The following RNGTT variants were observed in gnomAD, a reference collection of about 807,000 sequenced individuals.
The protein encoded by RNGTT is RNA guanylyltransferase and 5'-phosphatase, also known as mRNA-capping enzyme.
In RNGTT, 33 loss-of-function variants were observed where a neutral mutation model predicts 79.3. That is an observed-to-expected ratio of 0.42 (90% CI 0.32 to 0.56). The LOEUF (loss-of-function observed/expected upper bound fraction) is 0.56, where lower values mean the gene tolerates loss of function less well. Ranked by LOEUF, RNGTT falls within the 20% of genes least tolerant of loss-of-function variation. The probability of loss-of-function intolerance (pLI) is 0.17; values close to 1 mark genes in which losing one functional copy is unlikely to be tolerated. For synonymous variants in RNGTT, 222 were observed against 235.9 expected, an observed-to-expected ratio of 0.94 and a Z score of 0.54; for missense variants, 497 against 739.1, an observed-to-expected ratio of 0.67 and a Z score of 3.80.
At chr6:88,709,654 T>C (rs887188036) in intron 13 of RNGTT, among the ~76,000 whole-genome samples, 5 of 152,222 alleles carry the variant, frequency 3.3e-5, no homozygotes, top group African/African-American at 1.2e-4. Context: ...GCAATACATA[T>C]CAGTTATCAG....
chr6:88,629,978 G>GGCAT (rs1772787421), intron 14 of RNGTT, among the ~76,000 whole-genome samples: 1 of 152,092 alleles, frequency 6.6e-6, no homozygotes, highest in African/African-American at 2.4e-5. Context: ...AAATCACCAT[G>GGCAT]TGAGTCTTTG....
chr6:88,865,775 C>T (rs1413808919), intron 8 of RNGTT, among the ~76,000 whole-genome samples: 1 of 151,838 alleles, frequency 6.6e-6, no homozygotes, highest in Admixed American at 6.6e-5. Flanking sequence ...CTGAAATATC[C>T]CAATATACCA....
chr6:88,725,463 C>T (rs1031471070), intron 13 of RNGTT, among the ~76,000 whole-genome samples: 22 of 152,122 alleles, frequency 1.4e-4, no homozygotes, highest in African/African-American at 1.9e-4. Flanking sequence ...ACCGCAGGGG[C>T]GGTAAAGCAT....
At chr6:88,842,830 G>C (rs994362999) in intron 11 of RNGTT, among the ~76,000 whole-genome samples, 4 of 152,126 alleles carry the variant, frequency 2.6e-5, no homozygotes, top group Admixed American at 6.5e-5. Context: ...CCAGCACTTT[G>C]GGAGGCTAAG....
chr6:88,748,446 T>C (rs1376802952), intron 13 of RNGTT, among the ~76,000 whole-genome samples: 1 of 152,036 alleles, frequency 6.6e-6, no homozygotes, highest in African/African-American at 2.4e-5. Context: ...CCTCACTTTC[T>C]TCAACTATTT....
chr6:88,741,296 C>A (rs976439416), intron 13 of RNGTT, among the ~76,000 whole-genome samples: 1 of 152,066 alleles, frequency 6.6e-6, no homozygotes, highest in African/African-American at 2.4e-5. Flanking sequence ...TCCTTTGCAG[C>A]GACATGGATA....
chr6:88,799,270 A>AT (rs1368035500), intron 12 of RNGTT, among the ~76,000 whole-genome samples: 4 of 152,168 alleles, frequency 2.6e-5, no homozygotes, highest in Non-Finnish European at 5.9e-5. Context: ...CCTAACAAAA[A>AT]TTTCTGGGTA....
At chr6:88,693,319 A>G (rs1194063746) in intron 13 of RNGTT, among the ~76,000 whole-genome samples, 2 of 152,196 alleles carry the variant, frequency 1.3e-5, no homozygotes, top group African/African-American at 2.4e-5. Context: ...ACAAAGGATC[A>G]TAAGAGATTA....
chr6:88,654,290 C>G (rs1773898514), intron 14 of RNGTT, among the ~76,000 whole-genome samples: 1 of 152,164 alleles, frequency 6.6e-6, no homozygotes, highest in Non-Finnish European at 1.5e-5. Flanking sequence ...AAATTTTCCT[C>G]ATCATTAAGA....
At chr6:88,734,843 A>T (rs536256450) in intron 13 of RNGTT, among the ~76,000 whole-genome samples, 2 of 152,304 alleles carry the variant, frequency 1.3e-5, no homozygotes, top group African/African-American at 4.8e-5. Context: ...ATTATAAAAC[A>T]GGCTTTTGTG....
At chr6:88,827,718 G>A (rs186335250) in intron 11 of RNGTT, among the ~76,000 whole-genome samples, 1 of 152,274 alleles carries the variant, frequency 6.6e-6, no homozygotes, top group East Asian at 1.9e-4. Flanking sequence ...AGGGGCGTCT[G>A]CCATTACCAA....
intron 8 of RNGTT, among the ~76,000 whole-genome samples, chr6:88,883,170 CAAAAAAA>C (rs976114373): frequency 0.017 from 1,186 of 68,928 alleles, 9 homozygotes; most frequent in African/African-American, 0.042. Flanking sequence ...CTCTTTATGA[CAAAAAAA>C]AAAAAAAAAA....
intron 13 of RNGTT, among the ~76,000 whole-genome samples, chr6:88,704,035 G>A (rs939697403): frequency 3.3e-5 from 5 of 151,998 alleles, no homozygotes; most frequent in Non-Finnish European, 4.4e-5. Context: ...TTAGGCGGGC[G>A]GATCACGAGG....
chr6:88,797,941 C>CA (rs143559265), intron 12 of RNGTT, among the ~76,000 whole-genome samples: 9,085 of 65,628 alleles, frequency 0.14, 486 homozygotes, highest in African/African-American at 0.19. Flanking sequence ...AAGCAAAAGC[C>CA]AAAAAAAAAA....
In RNGTT at chr6:88,705,972, G is replaced by A. The variant is rs889070495; in HGVS notation, c.1440-27553C>T. Among the ~76,000 whole-genome samples, 17 of 151,952 alleles carry A rather than the reference G, an allele frequency of 1.1e-4. 1 individual carries two copies. The highest frequency in any genetic ancestry group is 3.9e-4 in the African/African-American group (16 of 41,322). ...TATATGTGAATTATTTGGGGCAGTA[G>A]GAAGAATGGAGAGTAGAGAAGGAAA... On this transcript the variant is annotated intron_variant, in intron 13 of 15. Coordinates refer to ENST00000369485, the MANE Select transcript of RNGTT (RefSeq NM_003800.5).
chr6:88,648,471 T>TA (rs1562169834), intron 14 of RNGTT, among the ~76,000 whole-genome samples: 15 of 147,068 alleles, frequency 1.0e-4, no homozygotes, highest in African/African-American at 3.8e-4. Flanking sequence ...CTTAAAGTAT[T>TA]ATAATAATAA....
chr6:88,733,358 T>C (rs1369530914), intron 13 of RNGTT, among the ~76,000 whole-genome samples: 1 of 150,620 alleles, frequency 6.6e-6, no homozygotes, highest in Non-Finnish European at 1.5e-5. Context: ...GACTCTGTCT[T>C]CACCCCCCAC....
intron 13 of RNGTT, among the ~76,000 whole-genome samples, chr6:88,717,676 G>A (rs545210901): frequency 3.3e-5 from 5 of 152,090 alleles, no homozygotes; most frequent in Non-Finnish European, 7.3e-5. Context: ...CGCCAATGGA[G>A]GAGACCCAGA....
At position 88,963,492 on chromosome 6, in the gene RNGTT, C is replaced by A. The variant is rs534460492; in HGVS notation, c.-83G>T. 56 of 1,363,742 alleles carry A rather than the reference C, an allele frequency of 4.1e-5. No individual in the cohort carries two copies. In the South Asian group the frequency reaches 5.0e-4, roughly 12 times the overall value. 84.5% of individuals were successfully genotyped at this position (1,363,742 alleles called of 1,614,324 possible). A position where few individuals can be genotyped will look rare whatever the true frequency, so the allele number is the denominator to read the frequency against. On this transcript the variant is annotated 5_prime_UTR_variant, in exon 1 of 16. Transcript: ENST00000369485. ...CGCCTCCCCGTGGTCCGGTGCACAC[C>A]GGGGTCCGAGACACCCGAATCGCAG...
Sources: allele counts gnomAD v4.1 joint callset (sites outside exome capture counted in the v4.1 genomes callset), GRCh38; gene constraint gnomAD v4.1.1; transcripts MANE v1.5; gene names NCBI Gene and HGNC (gene_info 2026-07-23, HGNC 2026-07-21).